The following CCAR1 variants were observed in gnomAD, a reference collection of about 807,000 sequenced individuals.
CCAR1 encodes the protein cell division cycle and apoptosis regulator protein 1.
CCAR1 carries 78 observed loss-of-function variants against 163.8 expected under a neutral mutation model. The ratio of observed to expected loss-of-function variants is 0.48; its 90% confidence interval spans 0.40 to 0.57. The LOEUF is 0.57. Among genes scored for constraint, CCAR1 ranks in the 20% least tolerant of loss-of-function variants. The pLI, the probability that CCAR1 is intolerant of heterozygous loss-of-function variation, is 0.00. For synonymous variants in CCAR1, 443 were observed against 460.7 expected (o/e 0.96, Z 0.49); for missense variants, 1,019 against 1,365.2 (o/e 0.75, Z 4.00).
At position 68,788,477 on chromosome 10, in the gene CCAR1, A is replaced by T. The variant is rs556582545; in HGVS notation, c.3187+149A>T. 2.4e-5 allele frequency: 11 copies of T among 457,148 alleles called. No individual in the cohort carries two copies. The East Asian group carries it at 2.7e-4, about 11-fold the overall frequency. 28.3% of individuals were successfully genotyped at this position (457,148 alleles called of 1,614,324 possible). ...CATCGAAGTACATAAGGAACTTTTT[A>T]AAATTTTTTATTATTTATTTGTTTT... On this transcript the variant is annotated intron_variant, in intron 23 of 24. Transcript: ENST00000265872.
At chr10:68,752,114 T>G (rs2056340254) in intron 10 of CCAR1, among the ~76,000 whole-genome samples, 1 of 151,436 alleles carries the variant, frequency 6.6e-6, no homozygotes, top group Non-Finnish European at 1.5e-5. Context: ...GAGACAGGGT[T>G]TCGCCGTGTT....
At chr10:68,754,866 CT>C (rs771240007) in intron 12 of CCAR1, 39 bp downstream of exon 12, 1 of 1,077,320 alleles carries the variant, frequency 9.3e-7, no homozygotes, top group Admixed American at 1.7e-5. Flanking sequence ...GATGTATTCA[CT>C]TTGCTTAGCT....
At chr10:68,725,240 A>G (rs1413944008) in intron 2 of CCAR1, among the ~76,000 whole-genome samples, 1 of 151,944 alleles carries the variant, frequency 6.6e-6, no homozygotes, top group African/African-American at 2.4e-5. Flanking sequence ...GGAGGTGGGC[A>G]TATCACTGAG....
Position 68,737,285 on chromosome 10 carries a change from G to C in CCAR1, c.246+237G>C, listed in dbSNP as rs142301995. Among the ~76,000 whole-genome samples the C allele has an allele frequency of 7.6e-3, 1,153 of 152,084 alleles. 29 individuals are homozygous for C. The highest frequency in any genetic ancestry group is 0.057 in the Admixed American group (863 of 15,228). Reference sequence around the variant, plus strand: ...TTTAGGAGGCTGAGGTGGGAGGATCGTCTGAGCCCGGGAATTTGAGACCAG... The same window carrying C: ...TTTAGGAGGCTGAGGTGGGAGGATCCTCTGAGCCCGGGAATTTGAGACCAG... On this transcript the variant is annotated intron_variant, in intron 3 of 24. Transcript: ENST00000265872.
chr10:68,732,738 C>T (rs1036911236), intron 2 of CCAR1, among the ~76,000 whole-genome samples: 6 of 152,068 alleles, frequency 3.9e-5, no homozygotes, highest in African/African-American at 1.2e-4. Context: ...ATTTTGCATA[C>T]GGTTTCAGGA....
intron 20 of CCAR1, 120 bp downstream of exon 20, chr10:68,786,338 C>A: frequency 1.2e-6 from 1 of 823,504 alleles, no homozygotes; most frequent in Non-Finnish European, 1.9e-6. Context: ...AAAATTCTGT[C>A]AGTTGTTTTT....
chr10:68,731,591 G>GT (rs67032408), intron 2 of CCAR1, among the ~76,000 whole-genome samples: 5,993 of 75,486 alleles, frequency 0.079, 212 homozygotes, highest in South Asian at 0.12. Context: ...TCTTGTTTCT[G>GT]TTTTTTTTTT....
At position 68,758,808 on chromosome 10, in the gene CCAR1, G is replaced by A. The variant is rs140983424; in HGVS notation, c.1920+1431G>A. ...GTGCCTCAGCCTCCCGAGTAGCTGG[G>A]ACTACAGGCCTGTGCCACCATGCCT... is the stretch of plus-strand genomic sequence containing the variant. On this transcript the variant is annotated intron_variant, in intron 15 of 24. Coordinates refer to ENST00000265872, the MANE Select transcript of CCAR1 (RefSeq NM_018237.4). Among the ~76,000 whole-genome samples the A allele has an allele frequency of 2.0e-3, 303 of 151,710 alleles. 1 individual carries two copies. Among genetic ancestry groups the A allele is most frequent in the African/African-American group, 7.0e-3 (290 of 41,332 alleles).
intron 1 of CCAR1, chr10:68,721,534 G>C (rs1210884781): frequency 4.5e-6 from 2 of 446,124 alleles, no homozygotes; most frequent in African/African-American, 4.2e-5. Flanking sequence ...CCTCAGCCTC[G>C]GCATGGCGAC....
chr10:68,771,079 A>G (rs2056596720), intron 17 of CCAR1, 127 bp from the exon 18 acceptor site: 2 of 695,002 alleles, frequency 2.9e-6, no homozygotes, highest in Non-Finnish European at 4.4e-6. Flanking sequence ...CTCCATCTCA[A>G]AAAAAAAAAA....
chr10:68,783,566 G>A (rs1297032354), intron 19 of CCAR1, among the ~76,000 whole-genome samples: 3 of 152,016 alleles, frequency 2.0e-5, no homozygotes, highest in East Asian at 2.0e-4. Flanking sequence ...TCAGGAGTTC[G>A]AGACCAGCCT....
intron 15 of CCAR1, among the ~76,000 whole-genome samples, chr10:68,760,471 TA>T (rs1276361041): frequency 2.0e-5 from 3 of 152,238 alleles, no homozygotes; most frequent in Non-Finnish European, 2.9e-5. Flanking sequence ...AAAAAATTTT[TA>T]TGCATGTTAA....
chr10:68,751,319 G>C (rs1027489599), intron 10 of CCAR1, among the ~76,000 whole-genome samples: 1 of 151,978 alleles, frequency 6.6e-6, no homozygotes, highest in Non-Finnish European at 1.5e-5. Context: ...GAGCCACCAT[G>C]CCTGGCCCAG....
chr10:68,744,950 G>A (rs2056232520), intron 6 of CCAR1, among the ~76,000 whole-genome samples: 1 of 151,746 alleles, frequency 6.6e-6, no homozygotes, highest in South Asian at 2.1e-4. Flanking sequence ...GCTACCTCGT[G>A]TAGCTGGGCC....
intron 17 of CCAR1, among the ~76,000 whole-genome samples, chr10:68,770,452 C>T (rs528238252): frequency 3.9e-5 from 6 of 152,200 alleles, no homozygotes; most frequent in South Asian, 4.1e-4. Flanking sequence ...TGAAGATTAA[C>T]GGTTGGTTGG....
chr10:68,725,719 A>ATC (rs1362614480), intron 2 of CCAR1, among the ~76,000 whole-genome samples: 12 of 152,194 alleles, frequency 7.9e-5, no homozygotes, highest in Non-Finnish European at 1.6e-4. Flanking sequence ...TGCTTAAAAT[A>ATC]TCTTTTTTAA....
rs777924611 is a variant in CCAR1 at position 68,737,906 on chromosome 10, C to T, written c.291+17C>T. ...CAACAACAGGTTAGTTTATATTTTC[C>T]GTGTTAAAAACTGATTTTAAAATAG... On this transcript the variant is annotated intron_variant, in intron 4 of 24. Coordinates refer to ENST00000265872, the MANE Select transcript of CCAR1 (RefSeq NM_018237.4). 8 of 1,554,274 alleles carry T rather than the reference C, an allele frequency of 5.1e-6. No homozygotes were observed. Among genetic ancestry groups the T allele is most frequent in the Middle Eastern group, 1.7e-4 (1 of 5,948 alleles).
At chr10:68,726,315 C>A (rs1046343238) in intron 2 of CCAR1, among the ~76,000 whole-genome samples, 1 of 151,994 alleles carries the variant, frequency 6.6e-6, no homozygotes, top group African/African-American at 2.4e-5. Context: ...GCAAGCCCGG[C>A]TGATTTTTTA....
chr10:68,768,205 T>C (rs1197965716), intron 17 of CCAR1, among the ~76,000 whole-genome samples: 1 of 152,200 alleles, frequency 6.6e-6, no homozygotes, highest in African/African-American at 2.4e-5. Flanking sequence ...AAACATGTTA[T>C]AAATATTAAA....
Sources: gnomAD v4.1 joint callset for allele counts (sites outside exome capture counted in the v4.1 genomes callset) on GRCh38, gnomAD v4.1.1 for gene constraint, MANE v1.5 for transcripts, NCBI Gene and HGNC (gene_info 2026-07-23, HGNC 2026-07-21) for gene names.